TMEM132D: variants seen among roughly 807,000 people sequenced by gnomAD.
TMEM132D encodes the protein mature OL transmembrane protein.
A neutral mutation model predicts 62.3 loss-of-function variants in TMEM132D; 21 were observed. The ratio of observed to expected loss-of-function variants is 0.34; its 90% CI spans 0.24 to 0.49. The LOEUF (loss-of-function observed/expected upper bound fraction) is 0.49. Among genes scored for constraint, TMEM132D ranks in the 20% least tolerant of loss-of-function variants. The pLI, the probability that TMEM132D is intolerant of heterozygous loss-of-function variation, is 0.99. For missense variants in TMEM132D, 1,346 were observed against 1,402.8 expected (o/e 0.96, Z 0.65); for synonymous variants, 621 against 575.6 (o/e 1.08, Z -1.13).
At position 129,378,122 on chromosome 12, in the gene TMEM132D, A is replaced by T. The variant is rs575853264; in HGVS notation, c.1116-40305T>A. 9.2e-5 allele frequency among the ~76,000 whole-genome samples: 14 copies of T among 152,312 alleles called. No individual in the cohort carries two copies. The South Asian group carries it at 2.9e-3, about 32-fold the overall frequency. On this transcript the variant is annotated intron_variant, in intron 3 of 8. Coordinates refer to ENST00000422113, the MANE Select transcript of TMEM132D (RefSeq NM_133448.3). ...AGCCTCTTTTCTCTTTTAAGGCCATATTGAAATAATCATTTCCTCAAAGTG... is the reference window on the plus strand; with the variant it reads ...AGCCTCTTTTCTCTTTTAAGGCCATTTTGAAATAATCATTTCCTCAAAGTG...
At chr12:129,713,676 C>T (rs946186183) in intron 1 of TMEM132D, among the ~76,000 whole-genome samples, 2 of 152,178 alleles carry the variant, frequency 1.3e-5, no homozygotes, top group Non-Finnish European at 2.9e-5. Context: ...GAGTCCCAGC[C>T]ACCATCTGTG....
chr12:129,417,915 A>G, intron 3 of TMEM132D, among the ~76,000 whole-genome samples: 1 of 152,246 alleles, frequency 6.6e-6, no homozygotes, highest in East Asian at 1.9e-4. Flanking sequence ...TTCTCAAAAG[A>G]AGACGTTTAT....
rs138675800 is a variant in TMEM132D at position 129,310,060 on chromosome 12, G to A, written c.1299+27574C>T. ...AAAATCTAGATGAGGGCTGGCCGAG[G>A]AGGAAAATCTAGATGAGGGCTGGCC... is the stretch of plus-strand genomic sequence containing the variant. On this transcript the variant is annotated intron_variant, in intron 4 of 8. Transcript: ENST00000422113. Among the ~76,000 whole-genome samples, 8 of 150,192 alleles carry A rather than the reference G, an allele frequency of 5.3e-5. No homozygotes were observed. The East Asian group carries it at 1.6e-3, about 29-fold the overall frequency.
chr12:129,165,778 C>G (rs1466347968), intron 5 of TMEM132D, among the ~76,000 whole-genome samples: 1 of 152,016 alleles, frequency 6.6e-6, no homozygotes, highest in Admixed American at 6.6e-5. Context: ...TCCCACAGAG[C>G]CTTGACTCCT....
chr12:129,738,047 C>T (rs1040080886), intron 1 of TMEM132D, among the ~76,000 whole-genome samples: 6 of 152,206 alleles, frequency 3.9e-5, no homozygotes, highest in Non-Finnish European at 8.8e-5. Context: ...GCCACTAATG[C>T]ACCATATTGA....
intron 2 of TMEM132D, among the ~76,000 whole-genome samples, chr12:129,636,699 TGTGTG>T (rs1192535587): frequency 8.2e-5 from 2 of 24,330 alleles, no homozygotes; most frequent in African/African-American, 5.3e-4. Flanking sequence ...CATACAGAAA[TGTGTG>T]TGTGTGTGTG....
intron 3 of TMEM132D, among the ~76,000 whole-genome samples, chr12:129,444,295 A>G (rs551980032): frequency 6.6e-6 from 1 of 152,322 alleles, no homozygotes; most frequent in East Asian, 1.9e-4. Flanking sequence ...CTGCACAACA[A>G]AAGAAACTAC....
intron 5 of TMEM132D, among the ~76,000 whole-genome samples, chr12:129,187,809 C>T (rs760388425): frequency 1.2e-4 from 18 of 152,208 alleles, no homozygotes; most frequent in South Asian, 2.1e-4. Flanking sequence ...TTACTGCTGA[C>T]GGAAACAGTT....
In TMEM132D at chr12:129,341,155, T is replaced by C. The variant is rs374295801; in HGVS notation, c.1116-3338A>G. 2.1e-3 allele frequency among the ~76,000 whole-genome samples: 324 copies of C among 152,330 alleles called. 15 individuals carry two copies. In the South Asian group the frequency reaches 0.064, roughly 30 times the overall value. ...GTAGGCAATATTTATCACTTCTCCA[T>C]GTTTCACTCTAAAGACAAGGACTGT... On this transcript the variant is annotated intron_variant, in intron 3 of 8. Coordinates refer to ENST00000422113, the MANE Select transcript of TMEM132D (RefSeq NM_133448.3).
intron 1 of TMEM132D, among the ~76,000 whole-genome samples, chr12:129,873,408 G>A (rs1016791445): frequency 6.6e-6 from 1 of 152,122 alleles, no homozygotes; most frequent in African/African-American, 2.4e-5. Context: ...CAGAAATGAA[G>A]ACAATTAAAA....
At chr12:129,393,118 A>G (rs944006684) in intron 3 of TMEM132D, among the ~76,000 whole-genome samples, 3 of 152,232 alleles carry the variant, frequency 2.0e-5, no homozygotes, top group African/African-American at 7.2e-5. Flanking sequence ...AACATTTCCA[A>G]ATGGCTCAAA....
intron 4 of TMEM132D, among the ~76,000 whole-genome samples, chr12:129,289,243 A>G (rs1444921636): frequency 4.6e-5 from 7 of 152,154 alleles, no homozygotes; most frequent in Admixed American, 1.3e-4. Flanking sequence ...AAAAAGGTAG[A>G]ACTAATTTTA....
chr12:129,476,661 G>A (rs562824178), intron 3 of TMEM132D, among the ~76,000 whole-genome samples: 2 of 152,248 alleles, frequency 1.3e-5, no homozygotes, highest in African/African-American at 4.8e-5. Context: ...ACCATAAGGC[G>A]CGCTTTCTCC....
intron 2 of TMEM132D, among the ~76,000 whole-genome samples, chr12:129,538,280 T>C (rs1457927359): frequency 5.9e-5 from 9 of 152,250 alleles, no homozygotes; most frequent in African/African-American, 2.2e-4. Context: ...TTCTTCTGTG[T>C]ACGTTTCCAC....
chr12:129,899,304 CATGGATGGATGG>C (rs61141755), intron 1 of TMEM132D, among the ~76,000 whole-genome samples: 30,464 of 125,050 alleles, frequency 0.24, 4,336 homozygotes, highest in South Asian at 0.33. Context: ...TGGATGCATG[CATGGATGGATGG>C]ATGGATGGAT....
chr12:129,612,397 T>C (rs917524569), intron 2 of TMEM132D, among the ~76,000 whole-genome samples: 1 of 152,142 alleles, frequency 6.6e-6, no homozygotes, highest in Admixed American at 6.5e-5. Context: ...TGCTTCTTGC[T>C]CCTGGACGCT....
At chr12:129,077,942 AC>A (rs1874332795) in intron 8 of TMEM132D, among the ~76,000 whole-genome samples, 1 of 152,216 alleles carries the variant, frequency 6.6e-6, no homozygotes, top group Non-Finnish European at 1.5e-5. Flanking sequence ...ATACATATGC[AC>A]ACAACACACA....
At chr12:129,564,121 G>C (rs1458133260) in intron 2 of TMEM132D, among the ~76,000 whole-genome samples, 1 of 152,292 alleles carries the variant, frequency 6.6e-6, no homozygotes, top group East Asian at 1.9e-4. Context: ...TGAGCACCTA[G>C]CTGACCTGCC....
At chr12:129,373,233 T>A (rs931229669) in intron 3 of TMEM132D, among the ~76,000 whole-genome samples, 1 of 152,156 alleles carries the variant, frequency 6.6e-6, no homozygotes, top group Non-Finnish European at 1.5e-5. Flanking sequence ...CCACCCCACC[T>A]TCCAACCCTC....
Sources: gnomAD v4.1 joint callset for allele counts (sites outside exome capture counted in the v4.1 genomes callset) on GRCh38, gnomAD v4.1.1 for gene constraint, MANE v1.5 for transcripts, NCBI Gene and HGNC (gene_info 2026-07-23, HGNC 2026-07-21) for gene names.